Variants in DTWD2 observed in about 807,000 individuals in gnomAD.
DTWD2 encodes tRNA-uridine aminocarboxypropyltransferase 2.
Under a neutral mutation model 31.8 loss-of-function variants are expected in DTWD2, and 39 were observed. The observed-to-expected ratio is 1.22, with a 90% CI of 0.95 to 1.60. The LOEUF (loss-of-function observed/expected upper bound fraction) is 1.60. Ranked by LOEUF, DTWD2 falls within the 40% of genes most tolerant of loss-of-function variation. The pLI is 0.00. For missense variants in DTWD2, 515 were observed against 381.5 expected (o/e 1.35, Z -2.92); for synonymous variants, 180 against 142.8 (o/e 1.26, Z -1.86).
chr5:118,862,195 T>C (rs1485033398), intron 4 of DTWD2, among the ~76,000 whole-genome samples: 1 of 152,224 alleles, frequency 6.6e-6, no homozygotes, highest in Non-Finnish European at 1.5e-5. Flanking sequence ...TCTGATGATC[T>C]GAAGTGGAAT....
chr5:118,970,778 T>C (rs965606802), intron 1 of DTWD2, among the ~76,000 whole-genome samples: 2 of 152,146 alleles, frequency 1.3e-5, no homozygotes, highest in East Asian at 1.9e-4. Context: ...TCCATCAGAC[T>C]AAAAGCAAAA....
chr5:118,899,146 G>A (rs538005178), intron 4 of DTWD2, among the ~76,000 whole-genome samples: 2 of 152,188 alleles, frequency 1.3e-5, no homozygotes, highest in South Asian at 4.1e-4. Context: ...CTTTTTGTTG[G>A]CGATTCCACT....
At chr5:118,983,581 AT>A (rs1580456785) in intron 1 of DTWD2, among the ~76,000 whole-genome samples, 2 of 152,118 alleles carry the variant, frequency 1.3e-5, no homozygotes, top group Admixed American at 1.3e-4. Flanking sequence ...AGCCTAAAGA[AT>A]AAGGAAAAGG....
chr5:118,964,655 T>C (rs898658569), intron 1 of DTWD2, among the ~76,000 whole-genome samples: 4 of 152,268 alleles, frequency 2.6e-5, no homozygotes, highest in Admixed American at 1.3e-4. Flanking sequence ...TTGGCCGGGC[T>C]GGTCTCCAGC....
At position 118,956,358 on chromosome 5, in the gene DTWD2, AT is replaced by A. The variant is rs1373989508; in HGVS notation, c.219-11710del. On this transcript the variant is annotated intron_variant, in intron 1 of 5. Transcript: ENST00000510708. ...ACCTTCAAATCATTTCCCCAAGGAA[AT>A]TCTGTGAAATAAGCTTTTTCTTCTT... 6.6e-5 allele frequency among the ~76,000 whole-genome samples: 10 copies of A among 152,358 alleles called. No individual in the cohort carries two copies. In the East Asian group the frequency reaches 1.9e-3, roughly 29 times the overall value.
chr5:118,885,520 C>T (rs2149556959), intron 4 of DTWD2, among the ~76,000 whole-genome samples: 1 of 146,386 alleles, frequency 6.8e-6, no homozygotes, highest in East Asian at 2.0e-4. Context: ...AATCCCAGCA[C>T]TTTGGGAGGC....
At chr5:118,938,865 C>T (rs1484708692) in intron 3 of DTWD2, among the ~76,000 whole-genome samples, 1 of 146,594 alleles carries the variant, frequency 6.8e-6, no homozygotes, top group Non-Finnish European at 1.5e-5. Context: ...AAAAAAGAAC[C>T]CTACCATCTA....
intron 4 of DTWD2, among the ~76,000 whole-genome samples, chr5:118,863,321 C>T (rs1306230506): frequency 7.2e-5 from 11 of 152,186 alleles, no homozygotes; most frequent in African/African-American, 1.7e-4. Flanking sequence ...TTATATGCTG[C>T]CTATATTCTT....
At chr5:118,841,140 C>A in intron 5 of DTWD2, 53 bp from the exon 6 acceptor site, 1 of 1,543,910 alleles carries the variant, frequency 6.5e-7, no homozygotes, top group Non-Finnish European at 8.7e-7. Flanking sequence ...TCATGATATT[C>A]TATCTATATT....
At chr5:118,885,601 A>G (rs1319094946) in intron 4 of DTWD2, among the ~76,000 whole-genome samples, 1 of 151,694 alleles carries the variant, frequency 6.6e-6, no homozygotes, top group East Asian at 1.9e-4. Context: ...TCTCGTCTCT[A>G]CTAAAAATAC....
At chr5:118,978,765 G>A (rs1424125522) in intron 1 of DTWD2, among the ~76,000 whole-genome samples, 1 of 152,150 alleles carries the variant, frequency 6.6e-6, no homozygotes, top group African/African-American at 2.4e-5. Flanking sequence ...CAGCACTTCA[G>A]GAGGCCAAGG....
intron 4 of DTWD2, among the ~76,000 whole-genome samples, chr5:118,911,765 T>A (rs182141519): frequency 3.3e-5 from 5 of 152,334 alleles, no homozygotes; most frequent in Non-Finnish European, 7.3e-5. Context: ...ACAACTCAAA[T>A]AATATCAACA....
At chr5:118,879,897 C>A (rs1490379797) in intron 4 of DTWD2, among the ~76,000 whole-genome samples, 2 of 152,084 alleles carry the variant, frequency 1.3e-5, no homozygotes, top group South Asian at 2.1e-4. Flanking sequence ...TACAAAGAAA[C>A]CCCATGACAC....
At chr5:118,850,556 T>C (rs550910064) in intron 4 of DTWD2, among the ~76,000 whole-genome samples, 6 of 137,352 alleles carry the variant, frequency 4.4e-5, no homozygotes, top group Non-Finnish European at 9.3e-5. Context: ...CCAAGGACTA[T>C]AGAAATCCTG....
chr5:118,986,717 T>C (rs922003723), intron 1 of DTWD2, among the ~76,000 whole-genome samples: 1 of 152,124 alleles, frequency 6.6e-6, no homozygotes, highest in Non-Finnish European at 1.5e-5. Context: ...AATTCTAGAA[T>C]TATATTCTAC....
chr5:118,921,566 G>C (rs1279324703), intron 4 of DTWD2, among the ~76,000 whole-genome samples: 3 of 151,040 alleles, frequency 2.0e-5, no homozygotes, highest in African/African-American at 7.3e-5. Flanking sequence ...AAAGTAAAAA[G>C]TAAATCACTG....
intron 1 of DTWD2, among the ~76,000 whole-genome samples, chr5:118,958,711 C>T (rs1754644921): frequency 6.6e-6 from 1 of 151,868 alleles, no homozygotes; most frequent in Admixed American, 6.6e-5. Flanking sequence ...AAAAAATTAG[C>T]AAACCGAATC....
intron 4 of DTWD2, among the ~76,000 whole-genome samples, chr5:118,869,969 C>G (rs1752466559): frequency 6.6e-6 from 1 of 152,142 alleles, no homozygotes; most frequent in Non-Finnish European, 1.5e-5. Context: ...CCGCTTCACA[C>G]AAGAGCTGGT....
chr5:118,847,663 G>C (rs1386441691), intron 5 of DTWD2, among the ~76,000 whole-genome samples: 2 of 150,678 alleles, frequency 1.3e-5, no homozygotes, highest in Admixed American at 6.6e-5. Flanking sequence ...GTTAACACGA[G>C]AAACAGAAAG....
Sources: gnomAD v4.1 joint callset for allele counts (sites outside exome capture counted in the v4.1 genomes callset) on GRCh38, gnomAD v4.1.1 for gene constraint, MANE v1.5 for transcripts, NCBI Gene and HGNC (gene_info 2026-07-23, HGNC 2026-07-21) for gene names.